Variants in MECR observed in about 807,000 individuals in gnomAD.
The protein encoded by MECR is enoyl-[acyl-carrier-protein] reductase, mitochondrial.
Under a neutral mutation model 49.1 loss-of-function variants are expected in MECR, and 37 were observed. The observed-to-expected ratio is 0.75, with a 90% CI of 0.58 to 0.99. The LOEUF is 0.99. Among genes scored for constraint, MECR ranks in the 50% least tolerant of loss-of-function variants. The pLI is 0.00. For synonymous variants in MECR, 198 were observed against 191.1 expected (o/e 1.04, Z -0.30); for missense variants, 470 against 479.6 (o/e 0.98, Z 0.19).
At chr1:29,172,130 TAA>T in the MECR span, 1 of 152,136 alleles carries the variant, frequency 6.6e-6, no homozygotes, top group Non-Finnish European at 1.5e-5. Flanking sequence ...AAGTTGACTT[TAA>T]AAAGTGACTT....
At chr1:29,195,409 T>C (rs1673719985) in intron 9 of MECR, among the ~76,000 whole-genome samples, 1 of 152,202 alleles carries the variant, frequency 6.6e-6, no homozygotes, top group African/African-American at 2.4e-5. Context: ...GAGCCAGTCC[T>C]CCAGGAGATG....
chr1:29,171,425 A>T, the MECR span: 2 of 148,296 alleles, frequency 1.3e-5, no homozygotes, highest in African/African-American at 5.0e-5. Context: ...ATGGGAATTT[A>T]AAAAATCTTC....
At chr1:29,196,593 T>C (rs1351042244) in intron 7 of MECR, among the ~76,000 whole-genome samples, 2 of 151,860 alleles carry the variant, frequency 1.3e-5, no homozygotes, top group African/African-American at 4.8e-5. Context: ...GAGGCTGAGG[T>C]GGGAGAATCA....
chr1:29,178,353 C>CTTCTT, the MECR span, among the ~76,000 whole-genome samples: 12 of 127,886 alleles, frequency 9.4e-5, no homozygotes, highest in African/African-American at 3.0e-4. Flanking sequence ...GTTTCAATTA[C>CTTCTT]TTTTTTTTTT....
At chr1:29,199,916 T>TA (rs35183137) in intron 7 of MECR, among the ~76,000 whole-genome samples, 4 of 149,994 alleles carry the variant, frequency 2.7e-5, no homozygotes, top group East Asian at 2.0e-4. Flanking sequence ...CCAGGTAACT[T>TA]AAAAAAAAAA....
chr1:29,199,609 T>A (rs1674843187), intron 7 of MECR, among the ~76,000 whole-genome samples: 1 of 151,388 alleles, frequency 6.6e-6, no homozygotes, highest in Admixed American at 6.6e-5. Flanking sequence ...GGTAGTGGGG[T>A]GATAGGTAAC....
intron 1 of MECR, among the ~76,000 whole-genome samples, chr1:29,221,494 C>G (rs1274489754): frequency 6.6e-6 from 1 of 152,212 alleles, no homozygotes; most frequent in East Asian, 1.9e-4. Flanking sequence ...GTAGACCAGG[C>G]AACAGGTGTA....
chr1:29,187,100 T>C, the MECR span, among the ~76,000 whole-genome samples: 2 of 152,214 alleles, frequency 1.3e-5, no homozygotes, highest in Admixed American at 1.3e-4. Context: ...TGCTGTGGCT[T>C]GGCCTAGTGC....
At chr1:29,174,408 T>C in the MECR span, among the ~76,000 whole-genome samples, 3 of 152,164 alleles carry the variant, frequency 2.0e-5, no homozygotes, top group Admixed American at 6.5e-5. Context: ...GTATTATACA[T>C]GCATAAAATA....
At chr1:29,202,849 A>G (rs1481713235) in intron 5 of MECR, among the ~76,000 whole-genome samples, 1 of 152,220 alleles carries the variant, frequency 6.6e-6, no homozygotes, top group Non-Finnish European at 1.5e-5. Flanking sequence ...GGTTATCACA[A>G]GCCAAGAGTC....
intron 1 of MECR, chr1:29,223,342 C>A (rs1031633889): frequency 1.0e-6 from 1 of 957,108 alleles, no homozygotes; most frequent in African/African-American, 1.8e-5. Context: ...GAGGCCAGTA[C>A]CCTGGGGACT....
At chr1:29,207,037 A>T in intron 3 of MECR, 132 bp from the exon 4 acceptor site, 5 of 918,760 alleles carry the variant, frequency 5.4e-6, no homozygotes, top group Non-Finnish European at 8.2e-6. Context: ...GATAGCATCC[A>T]GGATGTTTAG....
chr1:29,178,455 T>C, the MECR span, among the ~76,000 whole-genome samples: 1 of 151,324 alleles, frequency 6.6e-6, no homozygotes, highest in Non-Finnish European at 1.5e-5. Flanking sequence ...GCCATTCTCC[T>C]GCCTCAGCCT....
At chr1:29,186,765 C>T in the MECR span, among the ~76,000 whole-genome samples, 1 of 152,120 alleles carries the variant, frequency 6.6e-6, no homozygotes, top group Non-Finnish European at 1.5e-5. Context: ...ACCTGTGGAG[C>T]CAAAAGAATT....
At chr1:29,185,845 A>T in the MECR span, among the ~76,000 whole-genome samples, 1 of 152,232 alleles carries the variant, frequency 6.6e-6, no homozygotes, top group East Asian at 1.9e-4. Flanking sequence ...TTAGCCAGGC[A>T]TGGCGGTGCA....
downstream of MECR, among the ~76,000 whole-genome samples, chr1:29,191,547 C>T (rs1273289153): frequency 6.6e-6 from 1 of 152,190 alleles, no homozygotes; most frequent in Non-Finnish European, 1.5e-5. Context: ...GCAGCCTTCC[C>T]TCCTTCTAAG....
the MECR span, among the ~76,000 whole-genome samples, chr1:29,185,289 C>A: frequency 6.6e-6 from 1 of 152,166 alleles, no homozygotes; most frequent in Admixed American, 6.5e-5. Flanking sequence ...TGCTCTGTCA[C>A]CCAGGCTGGA....
the MECR span, among the ~76,000 whole-genome samples, chr1:29,175,569 C>G: frequency 1.1e-4 from 16 of 149,682 alleles, no homozygotes; most frequent in Non-Finnish European, 1.9e-4. Flanking sequence ...GTGGCGGGCT[C>G]CTGTAGTCCC....
the MECR span, chr1:29,173,536 G>A: frequency 7.5e-6 from 1 of 133,550 alleles, no homozygotes. Context: ...GTGCAATCTC[G>A]GCTCCCGGGT....
Sources: allele counts gnomAD v4.1 joint callset (sites outside exome capture counted in the v4.1 genomes callset), GRCh38; gene constraint gnomAD v4.1.1; transcripts MANE v1.5; gene names NCBI Gene and HGNC (gene_info 2026-07-23, HGNC 2026-07-21).